GNAT2: variants seen among roughly 807,000 people sequenced by gnomAD.
GNAT2 encodes the protein G protein subunit alpha transducin 2.
GNAT2 carries 32 observed loss-of-function variants against 40.9 expected under a neutral mutation model. The observed-to-expected ratio is 0.78, with a 90% CI of 0.59 to 1.05. The LOEUF is 1.05. GNAT2 is among the 50% of genes least tolerant of loss of function. GNAT2 has a pLI of 0.00. For missense variants in GNAT2, 355 were observed against 431.5 expected (o/e 0.82, Z 1.57); for synonymous variants, 141 against 157.2 (o/e 0.90, Z 0.77).
chr1:109,603,884 A>G (rs1649510048), intron 8 of GNAT2, 67 bp downstream of exon 8: 3 of 1,226,504 alleles, frequency 2.4e-6, no homozygotes, highest in African/African-American at 1.5e-5. Flanking sequence ...ATCTTGGCCT[A>G]AAAAATGAGA....
In GNAT2 at chr1:109,603,241, T is replaced by G. The variant is rs1557917409; in HGVS notation, c.*113A>C. The G allele has an allele frequency of 4.2e-6, 3 of 720,204 alleles. No homozygotes were observed. Among genetic ancestry groups the G allele is most frequent in the East Asian group, 2.7e-5 (1 of 37,476 alleles). 44.6% of individuals were successfully genotyped at this position (720,204 alleles called of 1,614,324 possible). ...CAGTTGCAGTCATGTATACTCCATC[T>G]CCAAAGAATGGATTCATTCTTCATG... is the stretch of plus-strand genomic sequence containing the variant. On this transcript the variant is annotated 3_prime_UTR_variant, in exon 9 of 9. Coordinates refer to ENST00000679935, the MANE Select transcript of GNAT2 (RefSeq NM_001377295.2).
intron 7 of GNAT2, 29 bp from the exon 8 acceptor site, chr1:109,604,133 T>C (rs777574078): frequency 1.2e-5 from 19 of 1,584,268 alleles, no homozygotes; most frequent in African/African-American, 2.7e-5. Context: ...ATTGGAAATA[T>C]CAGATTTGGC....
At chr1:109,609,089 C>T (rs1349305448) in intron 4 of GNAT2, 8 of 442,324 alleles carry the variant, frequency 1.8e-5, no homozygotes, top group South Asian at 1.1e-4. Flanking sequence ...CGCCACAAAA[C>T]GTGGGTCCTC....
Position 109,610,875 on chromosome 1 carries a change from C to G in GNAT2, c.119-368G>C, listed in dbSNP as rs554133633. The G allele has an allele frequency of 1.1e-3, 406 of 370,600 alleles. 4 individuals are homozygous for G. The highest frequency in any genetic ancestry group is 7.4e-3 in the African/African-American group (355 of 48,232). The allele number at this position is 370,600 out of a possible 1,614,324, so 23.0% of individuals were successfully genotyped here. The stretch of plus-strand genomic sequence containing the variant: ...CAGTCAAAATCTTCCTGTTGAAAAC[C>G]ACTAACAGATTCAGGGGGAGTCCTT... On this transcript the variant is annotated intron_variant, in intron 2 of 8. Transcript: ENST00000679935.
In GNAT2 at chr1:109,604,155, C is replaced by A. The variant is rs769078422; in HGVS notation, c.721-51G>T. On this transcript the variant is annotated intron_variant, in intron 7 of 8. Transcript: ENST00000679935. The stretch of plus-strand genomic sequence containing the variant: ...ATATCAGATTTGGCTTATAGAATAT[C>A]TACCTACTTCCTGCTCTTGTTCCCC... The A allele has an allele frequency of 2.2e-6, 3 of 1,389,888 alleles. No homozygotes were observed. The East Asian group carries it at 6.8e-5, about 32-fold the overall frequency. 86.1% of individuals were successfully genotyped at this position (1,389,888 alleles called of 1,614,324 possible).
Position 109,606,493 on chromosome 1 carries a change from G to A in GNAT2, c.462-57C>T, listed in dbSNP as rs1002057655. 69 of 1,458,126 alleles carry A rather than the reference G, an allele frequency of 4.7e-5. No individual in the cohort carries two copies. In the African/African-American group the frequency reaches 5.8e-4, roughly 12 times the overall value. The allele number at this position is 1,458,126 out of a possible 1,614,324, so 90.3% of individuals were successfully genotyped here. A position where few individuals can be genotyped will look rare whatever the true frequency, so the allele number is the denominator to read the frequency against. ...TTTTCCACAGACGAGGCTAAGAGAC[G>A]TAAAAGGTATCTTACCCAAAGTCAC... is the stretch of plus-strand genomic sequence containing the variant. On this transcript the variant is annotated intron_variant, in intron 5 of 8. Coordinates refer to ENST00000679935, the MANE Select transcript of GNAT2 (RefSeq NM_001377295.2).
chr1:109,618,589 T>G (rs1479307017), intron 1 of GNAT2, among the ~76,000 whole-genome samples: 1 of 152,272 alleles, frequency 6.6e-6, no homozygotes, highest in African/African-American at 2.4e-5. Context: ...AGGCCACCAG[T>G]AATGTGTTTG....
chr1:109,613,484 C>A, intron 1 of GNAT2: 1 of 163,122 alleles, frequency 6.1e-6, no homozygotes, highest in South Asian at 1.5e-4. Flanking sequence ...AATGTTTCAG[C>A]TCCCGCAGTG....
At chr1:109,617,943 C>T (rs1008281755) in intron 1 of GNAT2, 10 of 152,140 alleles carry the variant, frequency 6.6e-5, no homozygotes, top group Non-Finnish European at 1.3e-4. Context: ...AATCCCTAAG[C>T]GCCCCAAGAC....
At chr1:109,612,470 A>G (rs1649827088) in intron 2 of GNAT2, 1 of 423,770 alleles carries the variant, frequency 2.4e-6, no homozygotes, top group Non-Finnish European at 4.4e-6. Context: ...AGGTTTGGTT[A>G]GATTTGGAAA....
At chr1:109,608,997 G>A (rs1413777667) in intron 4 of GNAT2, 3 of 619,468 alleles carry the variant, frequency 4.8e-6, no homozygotes, top group South Asian at 1.8e-5. Context: ...ACCCAGCCCT[G>A]GGGTGTGTCT....
chr1:109,608,375 A>G (rs1649680502), intron 5 of GNAT2: 1 of 542,640 alleles, frequency 1.8e-6, no homozygotes, highest in Non-Finnish European at 3.3e-6. Context: ...TGAATTTTGC[A>G]TCTTCAGCCT....
In GNAT2 at chr1:109,608,617, C is replaced by T; in HGVS notation, c.461+14G>A. The T allele has an allele frequency of 6.2e-7, 1 of 1,612,342 alleles. No individual in the cohort carries two copies. The highest frequency in any genetic ancestry group is 1.1e-5 in the South Asian group (1 of 91,034). Reference sequence around the variant, plus strand: ...GCTTAAGCATCAACCCACCCTCTCACCAGTCAGTCTTACTAAGATGCGGAG... The same window carrying T: ...GCTTAAGCATCAACCCACCCTCTCATCAGTCAGTCTTACTAAGATGCGGAG... On this transcript the variant is annotated intron_variant, in intron 5 of 8. Coordinates refer to ENST00000679935, the MANE Select transcript of GNAT2 (RefSeq NM_001377295.2).
At chr1:109,604,207 A>T in intron 7 of GNAT2, 103 bp from the exon 8 acceptor site, 1 of 891,350 alleles carries the variant, frequency 1.1e-6, no homozygotes, top group Non-Finnish European at 1.9e-6. Flanking sequence ...TCCAAATGTA[A>T]AAAGCAAGAC....
intron 5 of GNAT2, 103 bp from the exon 6 acceptor site, chr1:109,606,539 A>T (rs1649604372): frequency 1.1e-6 from 1 of 931,454 alleles, no homozygotes; most frequent in Non-Finnish European, 1.8e-6. Context: ...TGGTGATAGA[A>T]ATCAGGACTA....
At chr1:109,610,343 T>TGGA in intron 3 of GNAT2, 122 bp downstream of exon 3, 1 of 1,193,166 alleles carries the variant, frequency 8.4e-7, no homozygotes, top group Non-Finnish European at 1.3e-6. Flanking sequence ...TGAGGGGCAT[T>TGGA]GGAATCAGAT....
Position 109,612,843 on chromosome 1 carries a change from T to C in GNAT2, c.28A>G (p.Lys10Glu), listed in dbSNP as rs1483240641. 1 of 1,612,588 alleles carries C rather than the reference T, an allele frequency of 6.2e-7. No homozygotes were observed. The highest frequency in any genetic ancestry group is 8.5e-7 in the Non-Finnish European group (1 of 1,178,710). Residue 10 changes from lysine (K) to glutamate (E), a missense_variant, in exon 2 of 9, where the codon AAA (lysine) becomes GAA (glutamate). Transcript: ENST00000679935. ...TCCTTGGACCTCTTGGCCAGTTCTT[T>C]GTCCTCAGCACTGGCTCCACTTCCC... MGSGASAED[K>E]ELAKRSKELE...
intron 1 of GNAT2, among the ~76,000 whole-genome samples, chr1:109,618,794 AG>A (rs1357155429): frequency 2.0e-5 from 3 of 152,140 alleles, no homozygotes; most frequent in African/African-American, 7.2e-5. Flanking sequence ...AAGTTTGTTC[AG>A]GGAACAGTAG....
At chr1:109,605,135 CTCCA>C (rs1350370248) in intron 7 of GNAT2, 2 of 152,322 alleles carry the variant, frequency 1.3e-5, no homozygotes, top group African/African-American at 4.8e-5. Context: ...AGCTGTGGAC[CTCCA>C]TTTGTAAGCA....
Sources: gnomAD v4.1 joint callset for allele counts (sites outside exome capture counted in the v4.1 genomes callset) on GRCh38, gnomAD v4.1.1 for gene constraint, MANE v1.5 for transcripts, NCBI Gene and HGNC (gene_info 2026-07-23, HGNC 2026-07-21) for gene names.